Variants in BMPR1A observed in about 807,000 individuals in gnomAD.
The protein encoded by BMPR1A is bone morphogenetic protein receptor type-1A.
In BMPR1A, 7 loss-of-function variants were observed where a neutral mutation model predicts 66.0. The ratio of observed to expected loss-of-function variants is 0.11; its 90% CI spans 0.06 to 0.20. The LOEUF (loss-of-function observed/expected upper bound fraction) is 0.20. Among genes scored for constraint, BMPR1A ranks in the 10% least tolerant of loss-of-function variants. The pLI is 1.00. For synonymous variants in BMPR1A, 200 were observed against 229.7 expected, an observed-to-expected ratio of 0.87 and a Z score of 1.17; for missense variants, 408 against 669.1, an observed-to-expected ratio of 0.61 and a Z score of 4.31.
At position 86,888,460 on chromosome 10, in the gene BMPR1A, T is replaced by A. The variant is rs1267295313; in HGVS notation, c.68-1602T>A. On this transcript the variant is annotated intron_variant, in intron 3 of 12. Transcript: ENST00000372037. ...TCCAGCTTGGGTGACAGAGTGAGAC[T>A]CTATCTCAAATAAAAATGTTCTCTA... Among the ~76,000 whole-genome samples, 3 of 152,042 alleles carry A rather than the reference T, an allele frequency of 2.0e-5. No individual in the cohort carries two copies. In the South Asian group the frequency reaches 6.2e-4, roughly 32 times the overall value.
chr10:86,921,570 G>A lies in BMPR1A; in HGVS notation c.1217G>A (p.Arg406His), dbSNP rs587780107. The A allele has an allele frequency of 1.9e-6, 3 of 1,614,114 alleles. No homozygotes were observed. The highest frequency in any genetic ancestry group is 1.7e-4 in the Middle Eastern group (1 of 6,058). ...TTGAATACCAGGGTGGGCACCAAAC[G>A]CTACATGGCTCCCGAAGTGCTGGAC... ...VPLNTRVGTK[R>H]YMAPEVLDES... Residue 406 changes from arginine (R) to histidine (H), a missense_variant, in exon 11 of 13, where the codon CGC (arginine) becomes CAC (histidine). This residue lies in a region of BMPR1A where 130 missense variants were observed against 257.3 expected (regional missense o/e 0.51). Coordinates refer to ENST00000372037, the MANE Select transcript of BMPR1A (RefSeq NM_004329.3).
intron 2 of BMPR1A, among the ~76,000 whole-genome samples, chr10:86,875,201 C>G: frequency 6.6e-6 from 1 of 151,536 alleles, no homozygotes; most frequent in Non-Finnish European, 1.5e-5. Flanking sequence ...GGTGAAACCC[C>G]ATCTCTACTA....
chr10:86,844,452 A>G (rs1842460198), intron 2 of BMPR1A, among the ~76,000 whole-genome samples: 1 of 152,238 alleles, frequency 6.6e-6, no homozygotes, highest in African/African-American at 2.4e-5. Flanking sequence ...ATTCAGTAGA[A>G]TTCGATGGTT....
At chr10:86,878,602 A>G (rs974135115) in intron 3 of BMPR1A, among the ~76,000 whole-genome samples, 2 of 152,208 alleles carry the variant, frequency 1.3e-5, no homozygotes, top group African/African-American at 4.8e-5. Flanking sequence ...ACATGTCTGT[A>G]ATTTTCTTGA....
At chr10:86,853,895 C>T (rs1421971232) in intron 2 of BMPR1A, among the ~76,000 whole-genome samples, 1 of 152,160 alleles carries the variant, frequency 6.6e-6, no homozygotes, top group Non-Finnish European at 1.5e-5. Context: ...TTTCGGGCAC[C>T]ATTGTCATTG....
intron 7 of BMPR1A, among the ~76,000 whole-genome samples, chr10:86,904,312 T>C (rs1362956091): frequency 6.6e-6 from 1 of 152,066 alleles, no homozygotes; most frequent in Non-Finnish European, 1.5e-5. Context: ...ATTGTATTGC[T>C]CAAAACCGAT....
intron 2 of BMPR1A, among the ~76,000 whole-genome samples, chr10:86,863,018 C>A (rs951930827): frequency 5.3e-5 from 8 of 149,954 alleles, no homozygotes; most frequent in Non-Finnish European, 1.0e-4. Flanking sequence ...CTCGCTTTGT[C>A]GCCCAGGCTG....
chr10:86,864,580 G>C (rs1053513521), intron 2 of BMPR1A, among the ~76,000 whole-genome samples: 3 of 152,162 alleles, frequency 2.0e-5, no homozygotes, highest in Non-Finnish European at 4.4e-5. Context: ...AATGAAGAGT[G>C]TTGTTTTTAC....
chr10:86,803,735 T>C (rs1212940237), intron 1 of BMPR1A, among the ~76,000 whole-genome samples: 1 of 152,176 alleles, frequency 6.6e-6, no homozygotes, highest in Non-Finnish European at 1.5e-5. Context: ...TTTTAATACT[T>C]GGTAAAGCAA....
chr10:86,810,603 T>C (rs1841955697), intron 1 of BMPR1A, among the ~76,000 whole-genome samples: 1 of 152,232 alleles, frequency 6.6e-6, no homozygotes, highest in Non-Finnish European at 1.5e-5. Context: ...TTATAGCCAC[T>C]CAGGTGGGTC....
intron 3 of BMPR1A, among the ~76,000 whole-genome samples, chr10:86,882,305 C>CA (rs1843000611): frequency 6.6e-6 from 1 of 151,888 alleles, no homozygotes; most frequent in African/African-American, 2.4e-5. Flanking sequence ...TGCCTGTAGT[C>CA]ACAGCTACTC....
rs73351790 is a variant in BMPR1A, at chr10:86,907,987, T to C, written c.531-4253T>C. 1.1e-3 allele frequency among the ~76,000 whole-genome samples: 172 copies of C among 152,312 alleles called. 1 individual carries two copies. Among genetic ancestry groups the C allele is most frequent in the African/African-American group, 3.9e-3 (163 of 41,576 alleles). Reference sequence around the variant, plus strand: ...CTAGTCTTTAAGAGAAGAATTGTAATATTCCCAACACAAAGATACAGCCTG... The same window carrying C: ...CTAGTCTTTAAGAGAAGAATTGTAACATTCCCAACACAAAGATACAGCCTG... On this transcript the variant is annotated intron_variant, in intron 7 of 12. Transcript: ENST00000372037.
intron 3 of BMPR1A, 63 bp downstream of exon 3, chr10:86,876,148 G>C: frequency 6.8e-7 from 1 of 1,479,922 alleles, no homozygotes; most frequent in African/African-American, 1.4e-5. Flanking sequence ...TCTTGCTTCT[G>C]TTCTTTCAAC....
chr10:86,875,230 G>A (rs1433612408), intron 2 of BMPR1A, among the ~76,000 whole-genome samples: 6 of 151,916 alleles, frequency 3.9e-5, no homozygotes, highest in South Asian at 4.2e-4. Context: ...AAAATTAGCC[G>A]AGTGTGGTGG....
intron 1 of BMPR1A, among the ~76,000 whole-genome samples, chr10:86,818,112 G>A (rs1030420343): frequency 5.9e-5 from 9 of 152,102 alleles, no homozygotes; most frequent in Admixed American, 5.2e-4. Context: ...TCTGCTTCCC[G>A]GGTTCAAACG....
chr10:86,778,229 G>T (rs1841383161), intron 1 of BMPR1A, among the ~76,000 whole-genome samples: 1 of 149,162 alleles, frequency 6.7e-6, no homozygotes, highest in South Asian at 2.1e-4. Context: ...GATTTTTTTT[G>T]CAATTTTTTT....
chr10:86,763,616 A>T (rs1156665584), intron 1 of BMPR1A, among the ~76,000 whole-genome samples: 2 of 128,998 alleles, frequency 1.6e-5, no homozygotes, highest in African/African-American at 7.7e-5. Context: ...AGTCCTTGCA[A>T]GTACCAAAGG....
chr10:86,761,309 T>C (rs1490860265), intron 1 of BMPR1A, among the ~76,000 whole-genome samples: 1 of 152,256 alleles, frequency 6.6e-6, no homozygotes. Flanking sequence ...TTTATATTTC[T>C]GATGAGCCTT....
rs1027922647 is a variant in BMPR1A, at chr10:86,756,687, A to C, written c.-500A>C. On this transcript the variant is annotated 5_prime_UTR_variant, in exon 1 of 13. Transcript: ENST00000372037. ...CCGCCTGCCGGGCTTGGCGAAGGAG[A>C]AGGGAGGAGGCAGGAGCGAGGAGGG... 1 of 151,470 alleles carries C rather than the reference A, an allele frequency of 6.6e-6. No individual in the cohort carries two copies. Among genetic ancestry groups the C allele is most frequent in the African/African-American group, 2.4e-5 (1 of 41,122 alleles). 9.4% of individuals were successfully genotyped at this position (151,470 alleles called of 1,614,324 possible). A position where few individuals can be genotyped will look rare whatever the true frequency, so the allele number is the denominator to read the frequency against.
Sources: allele counts gnomAD v4.1 joint callset (sites outside exome capture counted in the v4.1 genomes callset), GRCh38; gene constraint gnomAD v4.1.1; regional missense constraint gnomAD v4.1.1; transcripts MANE v1.5; gene names NCBI Gene and HGNC (gene_info 2026-07-23, HGNC 2026-07-21).